CDYL: variants seen among roughly 807,000 people sequenced by gnomAD.
CDYL encodes the protein chromodomain Y-like protein.
A neutral mutation model predicts 47.3 loss-of-function variants in CDYL; 8 were observed. That is an observed-to-expected ratio of 0.17 (90% CI 0.10 to 0.31). CDYL has a LOEUF of 0.31. Among genes scored for constraint, CDYL ranks in the 10% least tolerant of loss-of-function variants. The pLI, the probability that CDYL is intolerant of heterozygous loss-of-function variation, is 1.00. For synonymous variants in CDYL, 266 were observed against 265.0 expected, an observed-to-expected ratio of 1.00 and a Z score of -0.04; for missense variants, 471 against 701.4, an observed-to-expected ratio of 0.67 and a Z score of 3.71.
chr6:4,818,746 G>A (rs553762826), intron 1 of CDYL, among the ~76,000 whole-genome samples: 57 of 152,266 alleles, frequency 3.7e-4, no homozygotes, highest in African/African-American at 1.3e-3. Flanking sequence ...ATGCTAAATG[G>A]GTAAGGTGTG....
At chr6:4,748,694 TAAAAA>T (rs969660663) in intron 3 of CDYL, among the ~76,000 whole-genome samples, 1 of 117,176 alleles carries the variant, frequency 8.5e-6, no homozygotes, top group Non-Finnish European at 1.9e-5. Context: ...CAAATTTTAG[TAAAAA>T]AAAATATAAA....
chr6:4,806,063 G>T (rs1040287092), intron 1 of CDYL, among the ~76,000 whole-genome samples: 1 of 152,214 alleles, frequency 6.6e-6, no homozygotes, highest in Non-Finnish European at 1.5e-5. Context: ...AGATTCGACC[G>T]CAGGGAGCGG....
intron 1 of CDYL, among the ~76,000 whole-genome samples, chr6:4,837,967 G>A (rs1760373407): frequency 6.6e-6 from 1 of 150,666 alleles, no homozygotes; most frequent in Admixed American, 6.6e-5. Flanking sequence ...AAATAGAGAT[G>A]GGGTTTTGCC....
At chr6:4,779,413 G>A (rs917133655) in intron 1 of CDYL, among the ~76,000 whole-genome samples, 2 of 152,200 alleles carry the variant, frequency 1.3e-5, no homozygotes, top group African/African-American at 4.8e-5. Context: ...GGGAACTTGG[G>A]TGAGTTACCC....
intron 2 of CDYL, among the ~76,000 whole-genome samples, chr6:4,911,752 G>A (rs1054927838): frequency 5.3e-5 from 8 of 152,098 alleles, no homozygotes; most frequent in Admixed American, 4.6e-4. Context: ...ACCTTTAGGG[G>A]TTACAGGACA....
intron 1 of CDYL, among the ~76,000 whole-genome samples, chr6:4,824,377 C>A (rs62386586): frequency 1.5e-4 from 21 of 144,598 alleles, no homozygotes; most frequent in Non-Finnish European, 2.2e-4. Flanking sequence ...TAGCAGCGCT[C>A]GGCTCGGCAG....
chr6:4,744,964 C>A (rs145420336), intron 3 of CDYL, among the ~76,000 whole-genome samples: 39 of 152,104 alleles, frequency 2.6e-4, no homozygotes, highest in African/African-American at 8.4e-4. Context: ...ACATACATTT[C>A]TTTTCTTTTT....
At chr6:4,945,810 G>T (rs1404297522) in intron 5 of CDYL, among the ~76,000 whole-genome samples, 2 of 152,220 alleles carry the variant, frequency 1.3e-5, no homozygotes, top group African/African-American at 4.8e-5. Flanking sequence ...CAGGACTCTC[G>T]GGTCCTGTCC....
Position 4,833,323 on chromosome 6 carries a change from G to A in CDYL, c.24+56516G>A, listed in dbSNP as rs1172668597. Among the ~76,000 whole-genome samples, 130 of 150,300 alleles carry A rather than the reference G, an allele frequency of 8.6e-4. 1 individual carries two copies. The highest frequency in any genetic ancestry group is 5.9e-4 in the Non-Finnish European group (40 of 67,866). On this transcript the variant is annotated intron_variant, in intron 1 of 6. Transcript: ENST00000397588. Reference sequence around the variant, plus strand: ...ACATCTTTATTTCTGCCTTCATTTCGTTATGTCCCCAGTAGTCATTCAGGA... The same window carrying A: ...ACATCTTTATTTCTGCCTTCATTTCATTATGTCCCCAGTAGTCATTCAGGA...
rs183858976 is a variant in CDYL at position 4,931,573 on chromosome 6, G to A, written c.692-3942G>A. On this transcript the variant is annotated intron_variant, in intron 2 of 6. Coordinates refer to ENST00000397588, the MANE Select transcript of CDYL (RefSeq NM_004824.4). ...TGTGGCATGATTGTCTTGAGTAGGG[G>A]GCATATGTGATGATCAGGGTCCTAG... Among the ~76,000 whole-genome samples the A allele has an allele frequency of 1.3e-3, 205 of 152,284 alleles. 1 individual carries two copies. Among genetic ancestry groups the A allele is most frequent in the African/African-American group, 4.8e-3 (199 of 41,546 alleles).
chr6:4,850,984 C>G (rs1760806938), intron 1 of CDYL, among the ~76,000 whole-genome samples: 1 of 152,136 alleles, frequency 6.6e-6, no homozygotes, highest in Non-Finnish European at 1.5e-5. Flanking sequence ...ATGGCAATGA[C>G]TAATTAAAAC....
chr6:4,768,901 G>T (rs550295490), intron 3 of CDYL, among the ~76,000 whole-genome samples: 163 of 152,220 alleles, frequency 1.1e-3, no homozygotes, highest in African/African-American at 3.5e-3. Context: ...TTACCTCTGT[G>T]GTCTTCCTCC....
chr6:4,713,604 T>TC (rs1757197694), intron 1 of CDYL, among the ~76,000 whole-genome samples: 1 of 149,934 alleles, frequency 6.7e-6, no homozygotes, highest in African/African-American at 2.4e-5. Flanking sequence ...TTTTTTTTTT[T>TC]GGAGACAGAA....
chr6:4,801,762 C>T (rs1223369833), intron 1 of CDYL, among the ~76,000 whole-genome samples: 3 of 152,158 alleles, frequency 2.0e-5, no homozygotes, highest in Non-Finnish European at 4.4e-5. Flanking sequence ...GAGCTCTGTA[C>T]TCTGACATTT....
chr6:4,793,967 G>A (rs1759000737), intron 1 of CDYL, among the ~76,000 whole-genome samples: 1 of 152,140 alleles, frequency 6.6e-6, no homozygotes, highest in African/African-American at 2.4e-5. Flanking sequence ...TTTTAGATGT[G>A]TCGAGTTTGA....
intron 1 of CDYL, among the ~76,000 whole-genome samples, chr6:4,870,447 T>C (rs1365791422): frequency 6.6e-6 from 1 of 152,240 alleles, no homozygotes; most frequent in Non-Finnish European, 1.5e-5. Flanking sequence ...TTTTTATCTT[T>C]AGCTTCCACC....
intron 4 of CDYL, among the ~76,000 whole-genome samples, chr6:4,941,793 A>G (rs1758367282): frequency 6.6e-6 from 1 of 152,088 alleles, no homozygotes; most frequent in African/African-American, 2.4e-5. Context: ...CATCGCTTTT[A>G]TGTTAATTTA....
At chr6:4,776,194 C>G (rs1275188578), upstream of CDYL, among the ~76,000 whole-genome samples, 1 of 142,710 alleles carries the variant, frequency 7.0e-6, no homozygotes, top group Non-Finnish European at 1.6e-5. Flanking sequence ...CCCGACTGCC[C>G]CGCTCCTCCC....
At chr6:4,759,920 A>G (rs200117397) in intron 3 of CDYL, among the ~76,000 whole-genome samples, 3,603 of 123,224 alleles carry the variant, frequency 0.029, 417 homozygotes, top group African/African-American at 0.098. Context: ...AAAAAAAAAA[A>G]AAAAAGAAGA....
Sources: allele counts gnomAD v4.1 joint callset (sites outside exome capture counted in the v4.1 genomes callset), GRCh38; gene constraint gnomAD v4.1.1; transcripts MANE v1.5; gene names NCBI Gene and HGNC (gene_info 2026-07-23, HGNC 2026-07-21).